KCNMB3: variants seen among roughly 807,000 people sequenced by gnomAD.
The protein encoded by KCNMB3 is potassium calcium-activated channel subfamily M regulatory beta subunit 3.
In KCNMB3, 18 loss-of-function variants were observed where a neutral mutation model predicts 11.9. The observed-to-expected ratio is 1.51, with a 90% CI of 1.04 to 2.23. The LOEUF (loss-of-function observed/expected upper bound fraction) is 2.23. Among genes scored for constraint, KCNMB3 ranks in the 30% most tolerant of loss-of-function variants. The pLI is 0.00. For missense variants in KCNMB3, 247 were observed against 329.4 expected (o/e 0.75, Z 1.94); for synonymous variants, 78 against 119.2 (o/e 0.65, Z 2.25).
chr3:179,266,725 G>A (rs774488714), exon 1 of KCNMB3: 1 of 1,613,716 alleles, frequency 6.2e-7, no homozygotes, highest in Non-Finnish European at 8.5e-7. Flanking sequence ...CCAGGGGTCT[G>A]AGAAAATGGC....
chr3:179,253,457 A>G (rs1206450331), upstream of KCNMB3, among the ~76,000 whole-genome samples: 1 of 152,220 alleles, frequency 6.6e-6, no homozygotes, highest in Admixed American at 6.5e-5. Context: ...CTTGGAAAGA[A>G]GTTATTTCAT....
At chr3:179,263,972 A>AT (rs983502396) in intron 1 of KCNMB3, among the ~76,000 whole-genome samples, 24 of 151,152 alleles carry the variant, frequency 1.6e-4, no homozygotes, top group Admixed American at 7.9e-4. Context: ...CGCCCAGCTA[A>AT]TTTTTTTGTT....
upstream of KCNMB3, chr3:179,251,248 TTTG>T (rs993692261): frequency 8.4e-5 from 125 of 1,488,978 alleles, no homozygotes; most frequent in African/African-American, 7.0e-5. Context: ...TGTTACGAAC[TTTG>T]TTATCTTTCA....
chr3:179,250,428 T>G (rs1725795174), intron 1 of KCNMB3, among the ~76,000 whole-genome samples: 2 of 152,214 alleles, frequency 1.3e-5, no homozygotes, highest in South Asian at 4.1e-4. Flanking sequence ...TCTCTTGGAA[T>G]ACCAACATTT....
At chr3:179,248,268 G>A (rs1435659453) in intron 1 of KCNMB3, among the ~76,000 whole-genome samples, 2 of 152,192 alleles carry the variant, frequency 1.3e-5, no homozygotes, top group Non-Finnish European at 2.9e-5. Flanking sequence ...ATCATGGGCT[G>A]CTGTAGGTTT....
intron 1 of KCNMB3, among the ~76,000 whole-genome samples, chr3:179,245,452 A>T (rs1313295085): frequency 6.6e-6 from 1 of 151,768 alleles, no homozygotes; most frequent in African/African-American, 2.4e-5. Context: ...TCCTCAAAGC[A>T]TGAAACAGAA....
Position 179,259,088 on chromosome 3 carries a change from T to G in KCNMB3, c.62+7561A>C, listed in dbSNP as rs960751616. 8.7e-6 allele frequency: 14 copies of G among 1,601,832 alleles called. No homozygotes were observed. The African/African-American group carries it at 1.2e-4, about 14-fold the overall frequency. The stretch of plus-strand genomic sequence containing the variant: ...CTCCTCTGGTATCTTCTCTGCTTTC[T>G]GGATTGAAGTCCCCCGGCTCTCCTC... On this transcript the variant is annotated intron_variant, in intron 1 of 3. Coordinates refer to the KCNMB3 transcript ENST00000349697.
At chr3:179,241,945 G>C (rs1323166951), downstream of KCNMB3, 3 of 154,142 alleles carry the variant, frequency 1.9e-5, no homozygotes, top group African/African-American at 7.2e-5. Context: ...CCACCAGAAA[G>C]TGCACAAAGT....
chr3:179,250,804 C>T lies in KCNMB3; in HGVS notation c.187G>A (p.Gly63Ser), dbSNP rs761496494. ...RAVMLGFAMM[G>S]FSVLMFFLLG... ...AAGAAGAACATTAGGACTGAGAAGC[C>T]CATCATGGCAAACCCCAGCATCACG... Residue 63 changes from glycine (G) to serine (S), a missense_variant, in exon 1 of 3, where the codon GGC (glycine) becomes AGC (serine). Transcript: ENST00000392685. The T allele has an allele frequency of 1.7e-5, 27 of 1,614,116 alleles. No homozygotes were observed. The Middle Eastern group carries it at 4.9e-4, about 30-fold the overall frequency.
In KCNMB3 at chr3:179,259,585, C is replaced by T. The variant is rs562667004; in HGVS notation, c.62+7064G>A. The T allele has an allele frequency of 2.9e-5, 47 of 1,608,164 alleles. 2 individuals carry two copies. The African/African-American group carries it at 3.9e-4, about 13-fold the overall frequency. On this transcript the variant is annotated intron_variant, in intron 1 of 3. Transcript: ENST00000349697. ...TTTTCAGTCACCTCGTTTTGGGCTTCCACTGCTGACTTTCTGTCAGTAGAC... is the reference window on the plus strand; with the variant it reads ...TTTTCAGTCACCTCGTTTTGGGCTTTCACTGCTGACTTTCTGTCAGTAGAC...
At chr3:179,261,234 A>G (rs1576964394) in intron 1 of KCNMB3, 1 of 1,349,560 alleles carries the variant, frequency 7.4e-7, no homozygotes, top group Non-Finnish European at 9.8e-7. Flanking sequence ...GCGCTCAAAC[A>G]GTAGATCTCC....
rs139532669 is a variant in KCNMB3 at position 179,244,582 on chromosome 3, C to A, written c.360G>T (p.Pro120=). 6.2e-7 allele frequency: 1 copy of A among 1,614,092 alleles called. No homozygotes were observed. Among genetic ancestry groups the A allele is most frequent in the East Asian group, 2.2e-5 (1 of 44,882 alleles). ...TGAGGTTCACAAACACCTGAAGACACGGGTACTTCCCCTGACCGTGGCAGT... is the reference window on the plus strand; with the variant it reads ...TGAGGTTCACAAACACCTGAAGACAAGGGTACTTCCCCTGACCGTGGCAGT... ...GVHCHGQGKY[P]CLQVFVNLSH... Residue 120 remains proline (P), a synonymous_variant, in exon 2 of 3, where the codon CCG becomes CCT. Transcript: ENST00000392685.
At chr3:179,247,018 T>C (rs1458080688) in intron 1 of KCNMB3, among the ~76,000 whole-genome samples, 1 of 152,182 alleles carries the variant, frequency 6.6e-6, no homozygotes, top group East Asian at 1.9e-4. Context: ...AGGTATGAAC[T>C]ACGCAGGGCT....
chr3:179,257,976 G>A lies in KCNMB3; in HGVS notation c.63-7042C>T, dbSNP rs149203372. 1.4e-3 allele frequency among the ~76,000 whole-genome samples: 210 copies of A among 152,126 alleles called. 1 individual carries two copies. The highest frequency in any genetic ancestry group is 4.7e-3 in the African/African-American group (193 of 41,498). ...CTTGGCTGACTGCAATCTCCGCCTC[G>A]CAGGTTCAAGCGATTCTCCTGCCTC... On this transcript the variant is annotated intron_variant, in intron 1 of 3. Transcript: ENST00000349697.
At chr3:179,260,646 A>G in intron 1 of KCNMB3, 1 of 1,327,958 alleles carries the variant, frequency 7.5e-7, no homozygotes, top group Non-Finnish European at 1.1e-6. Flanking sequence ...AGAGTGTCGG[A>G]AGTCTCTCCA....
Position 179,260,019 on chromosome 3 carries a change from T to C in KCNMB3, c.62+6630A>G, listed in dbSNP as rs1316783687. On this transcript the variant is annotated intron_variant, in intron 1 of 3. Coordinates refer to the KCNMB3 transcript ENST00000349697. ...CTCAGCTGCTTCCTGGTTGGTGAAT[T>C]CTTTCTCTAAACTATGCCCTATGCT... is the stretch of plus-strand genomic sequence containing the variant. The C allele has an allele frequency of 1.9e-6, 3 of 1,612,482 alleles. No individual in the cohort carries two copies. The African/African-American group carries it at 4.0e-5, about 22-fold the overall frequency.
chr3:179,258,036 C>G (rs190247984), intron 1 of KCNMB3, among the ~76,000 whole-genome samples: 1 of 152,296 alleles, frequency 6.6e-6, no homozygotes, highest in Admixed American at 6.5e-5. Flanking sequence ...AGGCGCCCAC[C>G]ACCACGCCTG....
upstream of KCNMB3, among the ~76,000 whole-genome samples, chr3:179,252,422 T>C (rs1339940194): frequency 2.0e-5 from 3 of 152,194 alleles, no homozygotes; most frequent in Non-Finnish European, 1.5e-5. Context: ...GTTGTTTTTT[T>C]CCCACAAGCA....
intron 1 of KCNMB3, among the ~76,000 whole-genome samples, chr3:179,249,292 C>T (rs113890959): frequency 0.029 from 4,217 of 144,836 alleles, 197 homozygotes; most frequent in South Asian, 0.14. Flanking sequence ...GGATTACAGG[C>T]GTGAGCCACC....
Sources: allele counts gnomAD v4.1 joint callset (sites outside exome capture counted in the v4.1 genomes callset), GRCh38; gene constraint gnomAD v4.1.1; transcripts MANE v1.5; gene names NCBI Gene and HGNC (gene_info 2026-07-23, HGNC 2026-07-21).